CDK17: variants seen among roughly 807,000 people sequenced by gnomAD.
CDK17 encodes the protein cyclin dependent kinase 17, also known as cyclin-dependent kinase 17.
A neutral mutation model predicts 77.6 loss-of-function variants in CDK17; 24 were observed. The observed-to-expected ratio is 0.31, with a 90% CI of 0.22 to 0.44. The LOEUF is 0.44. Ranked by LOEUF, CDK17 falls within the 20% of genes least tolerant of loss-of-function variation. The pLI, the probability that CDK17 is intolerant of heterozygous loss-of-function variation, is 1.00. For synonymous variants in CDK17, 203 were observed against 210.4 expected, an observed-to-expected ratio of 0.96 and a Z score of 0.30; for missense variants, 429 against 622.5, an observed-to-expected ratio of 0.69 and a Z score of 3.31.
chr12:96,299,800 T>C (rs1449887579), intron 6 of CDK17, among the ~76,000 whole-genome samples: 2 of 152,218 alleles, frequency 1.3e-5, no homozygotes, highest in Non-Finnish European at 2.9e-5. Context: ...TCAAGCTCCT[T>C]TAAGCCTTCC....
At chr12:96,334,375 T>C (rs1042978161) in intron 2 of CDK17, among the ~76,000 whole-genome samples, 2 of 152,238 alleles carry the variant, frequency 1.3e-5, no homozygotes, top group Non-Finnish European at 2.9e-5. Flanking sequence ...TTAAGCTGTA[T>C]TAACTTGGGT....
chr12:96,314,486 T>C lies in CDK17; in HGVS notation c.284-1032A>G, dbSNP rs144140385. On this transcript the variant is annotated intron_variant, in intron 3 of 16. Coordinates refer to ENST00000261211, the MANE Select transcript of CDK17 (RefSeq NM_002595.5). Reference sequence around the variant, plus strand: ...TGGAAGCTAAGCATGTGGGAGCTACTTATATCCTACTGCTCAAGGTCATCA... The same window carrying C: ...TGGAAGCTAAGCATGTGGGAGCTACCTATATCCTACTGCTCAAGGTCATCA... Among the ~76,000 whole-genome samples, 671 of 152,326 alleles carry C rather than the reference T, an allele frequency of 4.4e-3. 5 individuals are homozygous for C. The highest frequency in any genetic ancestry group is 0.024 in the Middle Eastern group (7 of 294).
chr12:96,351,889 A>G (rs750087824), intron 1 of CDK17, among the ~76,000 whole-genome samples: 36 of 152,240 alleles, frequency 2.4e-4, no homozygotes, highest in Non-Finnish European at 4.8e-4. Flanking sequence ...AGACGCTCAC[A>G]AAAGACTGTT....
intron 5 of CDK17, among the ~76,000 whole-genome samples, chr12:96,307,357 A>C (rs1237415190): frequency 6.6e-6 from 1 of 152,198 alleles, no homozygotes; most frequent in Non-Finnish European, 1.5e-5. Flanking sequence ...TTAATCACTT[A>C]GCATTCATTA....
At chr12:96,290,008 A>G (rs748168384) in intron 10 of CDK17, among the ~76,000 whole-genome samples, 3 of 152,110 alleles carry the variant, frequency 2.0e-5, no homozygotes, top group Non-Finnish European at 4.4e-5. Context: ...ACTAACACTA[A>G]CAACAGCCAT....
intron 1 of CDK17, among the ~76,000 whole-genome samples, chr12:96,355,087 T>G (rs946740795): frequency 6.6e-6 from 1 of 152,114 alleles, no homozygotes; most frequent in Non-Finnish European, 1.5e-5. Context: ...TCTTAAATGG[T>G]TTATGAGGTC....
At position 96,286,777 on chromosome 12, in the gene CDK17, T is replaced by C. The variant is rs183437860; in HGVS notation, c.1119-16A>G. The C allele has an allele frequency of 5.3e-5, 83 of 1,569,038 alleles. 1 individual carries two copies. In the African/African-American group the frequency reaches 1.1e-3, roughly 20 times the overall value. On this transcript the variant is annotated splice_polypyrimidine_tract_variant and intron_variant, in intron 11 of 16. Transcript: ENST00000261211. ...ACCAACACCCCTTTAAAATAGATCATGAAAATAATTTAGCAATTCATTTAC... is the reference window on the plus strand; with the variant it reads ...ACCAACACCCCTTTAAAATAGATCACGAAAATAATTTAGCAATTCATTTAC...
At chr12:96,292,773 A>G (rs1349511608) in intron 10 of CDK17, among the ~76,000 whole-genome samples, 1 of 152,196 alleles carries the variant, frequency 6.6e-6, no homozygotes, top group African/African-American at 2.4e-5. Context: ...CTTCAATATG[A>G]AAAAGTTTAC....
intron 1 of CDK17, among the ~76,000 whole-genome samples, chr12:96,375,209 A>C (rs1953758462): frequency 6.6e-6 from 1 of 152,186 alleles, no homozygotes; most frequent in African/African-American, 2.4e-5. Context: ...AACCTACACC[A>C]GTTATCTTCA....
At chr12:96,368,636 C>G (rs1953630573) in intron 1 of CDK17, among the ~76,000 whole-genome samples, 1 of 152,084 alleles carries the variant, frequency 6.6e-6, no homozygotes, top group South Asian at 2.1e-4. Flanking sequence ...GAAATATCCT[C>G]CTTTTAATAT....
At chr12:96,368,832 A>C (rs1399959963) in intron 1 of CDK17, among the ~76,000 whole-genome samples, 1 of 134,732 alleles carries the variant, frequency 7.4e-6, no homozygotes, top group Non-Finnish European at 1.6e-5. Context: ...GGGCACAATG[A>C]ATAAGGCTGG....
chr12:96,391,628 A>G (rs1038162347), intron 1 of CDK17, among the ~76,000 whole-genome samples: 7 of 152,174 alleles, frequency 4.6e-5, no homozygotes, highest in African/African-American at 1.7e-4. Context: ...CTCCTGATAC[A>G]CTGACCAATA....
chr12:96,393,332 T>G (rs1017538602), intron 1 of CDK17, among the ~76,000 whole-genome samples: 2 of 106,932 alleles, frequency 1.9e-5, no homozygotes, highest in African/African-American at 3.8e-5. Context: ...GCCATTGTAC[T>G]CCAGCCTGTG....
intron 1 of CDK17, among the ~76,000 whole-genome samples, chr12:96,393,849 A>G (rs1451369118): frequency 3.9e-5 from 6 of 152,224 alleles, no homozygotes; most frequent in African/African-American, 1.4e-4. Flanking sequence ...ACTTCAAAAA[A>G]TGTTTATTCT....
intron 10 of CDK17, among the ~76,000 whole-genome samples, chr12:96,293,625 C>T (rs1952358588): frequency 6.6e-6 from 1 of 152,158 alleles, no homozygotes; most frequent in Non-Finnish European, 1.5e-5. Context: ...AAACCTATAA[C>T]GATGAACTTC....
At chr12:96,357,666 G>GGTTAT (rs1953419747) in intron 1 of CDK17, among the ~76,000 whole-genome samples, 1 of 152,108 alleles carries the variant, frequency 6.6e-6, no homozygotes, top group Non-Finnish European at 1.5e-5. Flanking sequence ...GATAAAGCAA[G>GGTTAT]CACTGAGAGG....
chr12:96,399,823 T>C (rs994903936), intron 1 of CDK17, among the ~76,000 whole-genome samples, 163 bp downstream of exon 1: 1 of 151,344 alleles, frequency 6.6e-6, no homozygotes, highest in Admixed American at 6.6e-5. Context: ...AGGCGCACGC[T>C]AGCCCCCCGC....
intron 1 of CDK17, chr12:96,399,368 G>A (rs1341282597): frequency 6.6e-6 from 1 of 152,378 alleles, no homozygotes; most frequent in Non-Finnish European, 1.5e-5. Context: ...CAACACTCCG[G>A]GGTGTGACCC....
intron 3 of CDK17, among the ~76,000 whole-genome samples, chr12:96,317,423 G>A (rs375978419): frequency 1.2e-3 from 135 of 112,080 alleles, no homozygotes; most frequent in African/African-American, 4.3e-3. Flanking sequence ...GCAGGCCAAC[G>A]TTCAGATTCA....
Sources: allele counts gnomAD v4.1 joint callset (sites outside exome capture counted in the v4.1 genomes callset), GRCh38; gene constraint gnomAD v4.1.1; transcripts MANE v1.5; gene names NCBI Gene and HGNC (gene_info 2026-07-23, HGNC 2026-07-21).